Variants in BTBD9 observed in about 807,000 individuals in gnomAD.
BTBD9 encodes BTB/POZ domain-containing protein 9.
Under a neutral mutation model 64.3 loss-of-function variants are expected in BTBD9, and 49 were observed. The observed-to-expected ratio is 0.76, with a 90% CI of 0.61 to 0.97. The LOEUF is 0.97. Ranked by LOEUF, BTBD9 falls within the 50% of genes least tolerant of loss-of-function variation. BTBD9 has a pLI of 0.00. For missense variants in BTBD9, 598 were observed against 762.1 expected (o/e 0.78, Z 2.53); for synonymous variants, 260 against 274.7 (o/e 0.95, Z 0.53).
At chr6:38,561,756 A>G (rs1431502770) in intron 6 of BTBD9, among the ~76,000 whole-genome samples, 1 of 152,130 alleles carries the variant, frequency 6.6e-6, no homozygotes, top group South Asian at 2.1e-4. Flanking sequence ...GTAAATAAAG[A>G]TGAGAACAGT....
intron 4 of BTBD9, chr6:38,588,515 C>T: frequency 1.2e-6 from 1 of 836,714 alleles, no homozygotes; most frequent in South Asian, 2.1e-5. Context: ...CAAACCTGGA[C>T]CTGGTTATCG....
intron 6 of BTBD9, among the ~76,000 whole-genome samples, chr6:38,407,510 T>A (rs558141180): frequency 5.8e-4 from 89 of 152,234 alleles, no homozygotes; most frequent in Middle Eastern, 3.4e-3. Flanking sequence ...GTTCTTCCTG[T>A]GTGCAACCTG....
chr6:38,228,281 AGGCTACAGTG>A (rs1299201105), intron 9 of BTBD9, among the ~76,000 whole-genome samples: 1 of 133,510 alleles, frequency 7.5e-6, no homozygotes, highest in Non-Finnish European at 1.6e-5. Flanking sequence ...GGACTGTTTG[AGGCTACAGTG>A]GGCTATGATA....
intron 6 of BTBD9, among the ~76,000 whole-genome samples, chr6:38,491,982 T>G (rs532466471): frequency 6.6e-6 from 1 of 152,238 alleles, no homozygotes; most frequent in East Asian, 1.9e-4. Flanking sequence ...AAAACTACAC[T>G]ACAAATAGCT....
intron 6 of BTBD9, among the ~76,000 whole-genome samples, chr6:38,351,202 G>C (rs1764491810): frequency 6.6e-6 from 1 of 152,218 alleles, no homozygotes; most frequent in African/African-American, 2.4e-5. Flanking sequence ...AAGGGGCCAA[G>C]CAGCATTTGC....
chr6:38,300,874 T>C (rs528005787), intron 7 of BTBD9, among the ~76,000 whole-genome samples: 1 of 152,336 alleles, frequency 6.6e-6, no homozygotes, highest in South Asian at 2.1e-4. Flanking sequence ...CTGATTGCCC[T>C]GGCCAGAACT....
chr6:38,450,567 A>T (rs12663177), intron 6 of BTBD9, among the ~76,000 whole-genome samples: 12,961 of 152,166 alleles, frequency 0.085, 960 homozygotes, highest in East Asian at 0.32. Flanking sequence ...AAAAAAAAGA[A>T]GATGATGACA....
At chr6:38,426,853 G>A (rs564745050) in intron 6 of BTBD9, among the ~76,000 whole-genome samples, 10 of 151,706 alleles carry the variant, frequency 6.6e-5, no homozygotes, top group Non-Finnish European at 1.5e-4. Context: ...CCACCATCTC[G>A]GAAGCAGCTT....
At chr6:38,520,136 GA>G (rs142242474) in intron 6 of BTBD9, among the ~76,000 whole-genome samples, 45 of 149,296 alleles carry the variant, frequency 3.0e-4, no homozygotes, top group African/African-American at 8.8e-4. Flanking sequence ...AAAACTGACA[GA>G]AAAAAAAAAT....
chr6:38,451,698 G>C (rs901493736), intron 6 of BTBD9, among the ~76,000 whole-genome samples: 4 of 152,076 alleles, frequency 2.6e-5, no homozygotes, highest in African/African-American at 9.7e-5. Flanking sequence ...GCCAAGTCTT[G>C]ATTCATCCTT....
chr6:38,284,305 ATTGT>A (rs1275772071), intron 8 of BTBD9, among the ~76,000 whole-genome samples: 3 of 152,082 alleles, frequency 2.0e-5, no homozygotes, highest in African/African-American at 4.8e-5. Flanking sequence ...GAAAAGAAAA[ATTGT>A]TTGGGAGAAC....
chr6:38,543,695 C>T (rs865982746), intron 6 of BTBD9, among the ~76,000 whole-genome samples: 11 of 152,120 alleles, frequency 7.2e-5, no homozygotes, highest in African/African-American at 2.7e-4. Context: ...CGGTGGCTCA[C>T]GCCTGTAATC....
At chr6:38,336,499 G>A (rs1763898955) in intron 7 of BTBD9, among the ~76,000 whole-genome samples, 1 of 152,108 alleles carries the variant, frequency 6.6e-6, no homozygotes, top group African/African-American at 2.4e-5. Context: ...GAAAAAAGGG[G>A]GAAGTCCCCT....
At chr6:38,218,193 G>T (rs116266339) in intron 9 of BTBD9, among the ~76,000 whole-genome samples, 13 of 152,150 alleles carry the variant, frequency 8.5e-5, no homozygotes, top group African/African-American at 3.1e-4. Flanking sequence ...CTACCCCCAG[G>T]GGCAACAAAT....
At chr6:38,226,768 C>A (rs911760608) in intron 9 of BTBD9, among the ~76,000 whole-genome samples, 11 of 152,262 alleles carry the variant, frequency 7.2e-5, no homozygotes, top group African/African-American at 2.7e-4. Context: ...CACACACACA[C>A]ACGCACTCAC....
At chr6:38,632,775 A>T (rs992490376) in intron 1 of BTBD9, among the ~76,000 whole-genome samples, 1 of 151,898 alleles carries the variant, frequency 6.6e-6, no homozygotes, top group Non-Finnish European at 1.5e-5. Flanking sequence ...CATAGAAACA[A>T]AAATAAATTA....
intron 1 of BTBD9, among the ~76,000 whole-genome samples, chr6:38,612,481 G>C (rs746737077): frequency 8.5e-5 from 13 of 152,128 alleles, no homozygotes; most frequent in Non-Finnish European, 1.3e-4. Flanking sequence ...CACTCCCTTC[G>C]CAATCAACAA....
intron 10 of BTBD9, among the ~76,000 whole-genome samples, chr6:38,175,705 T>C (rs377210981): frequency 1.3e-4 from 20 of 152,302 alleles, no homozygotes; most frequent in Admixed American, 2.6e-4. Context: ...TTGAGGTTCA[T>C]TGGTGTGTCT....
chr6:38,591,714 G>A (rs1288596006), intron 4 of BTBD9, among the ~76,000 whole-genome samples: 4 of 152,134 alleles, frequency 2.6e-5, no homozygotes, highest in Non-Finnish European at 5.9e-5. Flanking sequence ...AAAGAGTTGT[G>A]AGAATTAAAT....
Sources: gnomAD v4.1 joint callset for allele counts (sites outside exome capture counted in the v4.1 genomes callset) on GRCh38, gnomAD v4.1.1 for gene constraint, MANE v1.5 for transcripts, NCBI Gene and HGNC (gene_info 2026-07-23, HGNC 2026-07-21) for gene names.